The following CHD6 variants were observed in gnomAD, a reference collection of about 807,000 sequenced individuals.
CHD6 encodes chromodomain helicase DNA binding protein 6.
CHD6 carries 50 observed loss-of-function variants against 276.9 expected under a neutral mutation model. That is an observed-to-expected ratio of 0.18 (90% CI 0.14 to 0.23). CHD6 has a LOEUF of 0.23. Among genes scored for constraint, CHD6 ranks in the 10% least tolerant of loss-of-function variants. The probability of loss-of-function intolerance (pLI) is 1.00; values close to 1 mark genes in which losing one functional copy is unlikely to be tolerated. For missense variants in CHD6, 2,564 were observed against 3,365.8 expected (o/e 0.76, Z 5.89); for synonymous variants, 1,173 against 1,229.3 (o/e 0.95, Z 0.96).
chr20:41,561,665 A>G (rs752203002), intron 1 of CHD6, among the ~76,000 whole-genome samples: 2 of 152,150 alleles, frequency 1.3e-5, no homozygotes, highest in Non-Finnish European at 2.9e-5. Flanking sequence ...ATGAGATGTA[A>G]GTTTTTAAGA....
chr20:41,568,681 T>C (rs2045384923), intron 1 of CHD6, among the ~76,000 whole-genome samples: 1 of 152,204 alleles, frequency 6.6e-6, no homozygotes. Flanking sequence ...TCCAAAGTGT[T>C]TTTTTCCCTT....
chr20:41,458,513 T>G (rs1023059030), intron 17 of CHD6, among the ~76,000 whole-genome samples: 3 of 152,188 alleles, frequency 2.0e-5, no homozygotes, highest in African/African-American at 7.2e-5. Flanking sequence ...GAGAATCAAC[T>G]CTGCAGTATT....
At chr20:41,478,798 T>C (rs975041854) in intron 16 of CHD6, among the ~76,000 whole-genome samples, 2 of 152,194 alleles carry the variant, frequency 1.3e-5, no homozygotes, top group African/African-American at 4.8e-5. Context: ...TTCAGAGCAA[T>C]ATAACAGAAT....
chr20:41,564,534 A>G lies in CHD6; in HGVS notation c.-23-13174T>C, dbSNP rs559661570. On this transcript the variant is annotated intron_variant, in intron 1 of 36. Transcript: ENST00000373233. ...GGTTGGGGACAGGAGAGGGTCAACT[A>G]TAAAGAGAATTTTAGGGGATAATGA... is the stretch of plus-strand genomic sequence containing the variant. Among the ~76,000 whole-genome samples the G allele has an allele frequency of 3.1e-4, 47 of 152,334 alleles. No homozygotes were observed. The South Asian group carries it at 6.0e-3, about 19-fold the overall frequency.
chr20:41,611,200 T>C (rs2045883862), intron 1 of CHD6, among the ~76,000 whole-genome samples: 1 of 152,224 alleles, frequency 6.6e-6, no homozygotes, highest in Admixed American at 6.5e-5. Context: ...TAGACTCATT[T>C]TAGGTTAAAG....
intron 27 of CHD6, among the ~76,000 whole-genome samples, chr20:41,433,914 T>A (rs1172184175): frequency 6.6e-6 from 1 of 151,068 alleles, no homozygotes; most frequent in African/African-American, 2.4e-5. Context: ...TATAAATATA[T>A]GAAACACCTA....
intron 1 of CHD6, among the ~76,000 whole-genome samples, chr20:41,562,091 T>G (rs894837606): frequency 6.6e-6 from 1 of 152,124 alleles, no homozygotes; most frequent in Non-Finnish European, 1.5e-5. Context: ...CCTCTAATTT[T>G]CTGTCTCATT....
Position 41,604,835 on chromosome 20 carries a change from A to G in CHD6, c.-24+13505T>C, listed in dbSNP as rs577886472. Among the ~76,000 whole-genome samples the G allele has an allele frequency of 1.1e-4, 16 of 152,276 alleles. 3 individuals carry two copies. The highest frequency in any genetic ancestry group is 3.6e-4 in the African/African-American group (15 of 41,544). ...TTTCCATTTCTGGAATCCTCGGACTACCAGGTCAAACTAATTGATACTGAA... is the reference window on the plus strand; with the variant it reads ...TTTCCATTTCTGGAATCCTCGGACTGCCAGGTCAAACTAATTGATACTGAA... On this transcript the variant is annotated intron_variant, in intron 1 of 36. Coordinates refer to ENST00000373233, the MANE Select transcript of CHD6 (RefSeq NM_032221.5).
chr20:41,442,500 T>A (rs1569082448), intron 25 of CHD6, among the ~76,000 whole-genome samples: 1 of 152,146 alleles, frequency 6.6e-6, no homozygotes, highest in East Asian at 1.9e-4. Context: ...ATGTGTTTCT[T>A]AACAAAGAAA....
chr20:41,408,073 A>C (rs2046732591), intron 36 of CHD6, among the ~76,000 whole-genome samples: 1 of 152,084 alleles, frequency 6.6e-6, no homozygotes, highest in East Asian at 1.9e-4. Flanking sequence ...AAAAAATAAA[A>C]AATAAAAAAA....
At chr20:41,466,693 A>T (rs1286719200) in intron 17 of CHD6, among the ~76,000 whole-genome samples, 1 of 152,204 alleles carries the variant, frequency 6.6e-6, no homozygotes, top group African/African-American at 2.4e-5. Flanking sequence ...AAATTACAAG[A>T]GGGAGCTGAA....
chr20:41,476,905 C>T (rs571193050), intron 16 of CHD6, among the ~76,000 whole-genome samples: 1 of 151,944 alleles, frequency 6.6e-6, no homozygotes, highest in South Asian at 2.1e-4. Context: ...TATACATACA[C>T]ACACATTTTT....
Position 41,483,340 on chromosome 20 carries a change from C to G in CHD6, c.2437G>C (p.Asp813His). ...LIFSQMVRCL[D>H]ILEDYLIQRR... ...TGGATGAGGTAATCTTCTAGGATGT[C>G]GAGGCAGCGCACCATCTGGGAGAAG... is the stretch of plus-strand genomic sequence containing the variant. Residue 813 changes from aspartate to histidine, a missense_variant, in exon 16 of 37, where the codon GAC (aspartate) becomes CAC (histidine). Physicochemically the swap from Asp to His is moderately conservative, Grantham distance 81. Transcript: ENST00000373233. 6.2e-7 allele frequency: 1 copy of G among 1,613,462 alleles called. No homozygotes were observed. Among genetic ancestry groups the G allele is most frequent in the Non-Finnish European group, 8.5e-7 (1 of 1,179,676 alleles).
chr20:41,575,237 A>G (rs1474274865), intron 1 of CHD6, among the ~76,000 whole-genome samples: 1 of 152,164 alleles, frequency 6.6e-6, no homozygotes, highest in Non-Finnish European at 1.5e-5. Flanking sequence ...TTCGTTTTCA[A>G]TAAATCTCTG....
chr20:41,594,969 T>C (rs2045703275), intron 1 of CHD6, among the ~76,000 whole-genome samples: 1 of 152,192 alleles, frequency 6.6e-6, no homozygotes, highest in Admixed American at 6.5e-5. Context: ...CTGAGAAACT[T>C]TCTAAGTGCT....
At chr20:41,588,567 G>C (rs2045621149) in intron 1 of CHD6, among the ~76,000 whole-genome samples, 1 of 152,134 alleles carries the variant, frequency 6.6e-6, no homozygotes, top group Non-Finnish European at 1.5e-5. Context: ...TCTCACATGA[G>C]GTTATGGCAG....
intron 29 of CHD6, among the ~76,000 whole-genome samples, chr20:41,424,458 A>C (rs1355974760): frequency 2.6e-5 from 4 of 152,240 alleles, no homozygotes; most frequent in African/African-American, 9.6e-5. Flanking sequence ...AGTGAGAAGC[A>C]GGGAAGAAGT....
intron 2 of CHD6, among the ~76,000 whole-genome samples, chr20:41,549,649 T>C (rs1479832801): frequency 6.7e-6 from 1 of 148,872 alleles, no homozygotes; most frequent in Non-Finnish European, 1.5e-5. Flanking sequence ...ATAATAATAA[T>C]AAAATTAAAA....
At position 41,491,678 on chromosome 20, in the gene CHD6, G is replaced by A. The variant is rs776264618; in HGVS notation, c.1436+20C>T. On this transcript the variant is annotated intron_variant, in intron 11 of 36. Transcript: ENST00000373233. The stretch of plus-strand genomic sequence containing the variant: ...ATATACCTCTGGGTACAAACATCTG[G>A]GCTGGTTTTGGTTCCTTACCTGTTA... 1.9e-6 allele frequency: 3 copies of A among 1,613,410 alleles called. No individual in the cohort carries two copies. Among genetic ancestry groups the A allele is most frequent in the South Asian group, 1.1e-5 (1 of 91,044 alleles).
Sources: gnomAD v4.1 joint callset for allele counts (sites outside exome capture counted in the v4.1 genomes callset) on GRCh38, gnomAD v4.1.1 for gene constraint, MANE v1.5 for transcripts, NCBI Gene and HGNC (gene_info 2026-07-23, HGNC 2026-07-21) for gene names.